KCND2: variants seen among roughly 807,000 people sequenced by gnomAD.
KCND2 encodes A-type voltage-gated potassium channel KCND2.
Under a neutral mutation model 54.4 loss-of-function variants are expected in KCND2, and 16 were observed. The ratio of observed to expected loss-of-function variants is 0.29; its 90% CI spans 0.20 to 0.45. The LOEUF is 0.45. KCND2 is among the 20% of genes least tolerant of loss of function. The probability of loss-of-function intolerance (pLI) is 1.00; values close to 1 mark genes in which losing one functional copy is unlikely to be tolerated. For missense variants in KCND2, 486 were observed against 824.2 expected (o/e 0.59, Z 5.02); for synonymous variants, 317 against 310.7 (o/e 1.02, Z -0.21).
At chr7:120,475,391 G>T (rs1802519274) in intron 1 of KCND2, among the ~76,000 whole-genome samples, 1 of 152,086 alleles carries the variant, frequency 6.6e-6, no homozygotes, top group African/African-American at 2.4e-5. Flanking sequence ...GATCTATATA[G>T]CAATCTTGCA....
intron 1 of KCND2, among the ~76,000 whole-genome samples, chr7:120,713,707 G>C (rs1465162777): frequency 1.3e-5 from 2 of 152,140 alleles, no homozygotes; most frequent in Non-Finnish European, 2.9e-5. Flanking sequence ...CTGCAATTTA[G>C]TTGTATCAGA....
intron 2 of KCND2, among the ~76,000 whole-genome samples, chr7:120,734,646 T>A (rs1188532852): frequency 1.3e-5 from 2 of 152,134 alleles, no homozygotes; most frequent in African/African-American, 4.8e-5. Context: ...TTAGAAATAA[T>A]CTTGGAAATC....
intron 1 of KCND2, among the ~76,000 whole-genome samples, chr7:120,329,088 C>T (rs896578312): frequency 6.7e-6 from 1 of 149,094 alleles, no homozygotes; most frequent in African/African-American, 2.5e-5. Context: ...AAAGATGAAA[C>T]TGAAAGATAA....
At chr7:120,318,275 A>G (rs556242667) in intron 1 of KCND2, among the ~76,000 whole-genome samples, 7 of 152,278 alleles carry the variant, frequency 4.6e-5, no homozygotes, top group Non-Finnish European at 1.0e-4. Context: ...TGTAAACTGT[A>G]CAAATTACAT....
intron 1 of KCND2, among the ~76,000 whole-genome samples, chr7:120,535,910 G>A (rs908699294): frequency 2.6e-5 from 4 of 152,066 alleles, no homozygotes; most frequent in Non-Finnish European, 5.9e-5. Flanking sequence ...TGTGTGTTGT[G>A]GGGGTAGGCA....
intron 1 of KCND2, among the ~76,000 whole-genome samples, chr7:120,514,654 T>C: frequency 6.6e-6 from 1 of 152,222 alleles, no homozygotes; most frequent in East Asian, 1.9e-4. Flanking sequence ...GTCCCCAACC[T>C]TTTTGGCACT....
chr7:120,717,562 G>A (rs1419413909), intron 1 of KCND2, among the ~76,000 whole-genome samples: 1 of 152,118 alleles, frequency 6.6e-6, no homozygotes, highest in Non-Finnish European at 1.5e-5. Context: ...GGCAGAATTA[G>A]TCTCTGTGGA....
intron 1 of KCND2, among the ~76,000 whole-genome samples, chr7:120,601,849 A>G (rs574185769): frequency 1.3e-5 from 2 of 152,310 alleles, no homozygotes; most frequent in Admixed American, 1.3e-4. Flanking sequence ...CTTAGAATAT[A>G]TAACCCTTTC....
intron 1 of KCND2, among the ~76,000 whole-genome samples, chr7:120,646,255 C>A (rs1793440869): frequency 6.6e-6 from 1 of 152,170 alleles, no homozygotes; most frequent in Non-Finnish European, 1.5e-5. Context: ...ATCTCTGCAA[C>A]AACATTGCTG....
chr7:120,590,760 G>T (rs949918033), intron 1 of KCND2, among the ~76,000 whole-genome samples: 3 of 151,986 alleles, frequency 2.0e-5, no homozygotes, highest in African/African-American at 7.2e-5. Flanking sequence ...AGCTGTACTG[G>T]CTTGTTCTTT....
At chr7:120,466,426 G>A (rs188863599) in intron 1 of KCND2, among the ~76,000 whole-genome samples, 8 of 152,166 alleles carry the variant, frequency 5.3e-5, no homozygotes, top group East Asian at 1.9e-4. Flanking sequence ...TTCTTTTATC[G>A]TTGGAGATCA....
chr7:120,428,608 A>C (rs1308748544), intron 1 of KCND2, among the ~76,000 whole-genome samples: 1 of 152,180 alleles, frequency 6.6e-6, no homozygotes, highest in Non-Finnish European at 1.5e-5. Context: ...CAGATTACAA[A>C]GCTTTAACTT....
intron 1 of KCND2, among the ~76,000 whole-genome samples, chr7:120,639,931 C>T (rs1394888117): frequency 6.6e-6 from 1 of 151,916 alleles, no homozygotes; most frequent in African/African-American, 2.4e-5. Flanking sequence ...AAACTTAATA[C>T]TGAAAAATAG....
chr7:120,287,380 T>TA (rs1218101048), intron 1 of KCND2, among the ~76,000 whole-genome samples: 2 of 152,154 alleles, frequency 1.3e-5, no homozygotes, highest in African/African-American at 4.8e-5. Flanking sequence ...GAATACTTAT[T>TA]AAAAATGAAT....
chr7:120,380,056 A>G (rs1800893985), intron 1 of KCND2, among the ~76,000 whole-genome samples: 1 of 152,120 alleles, frequency 6.6e-6, no homozygotes, highest in South Asian at 2.1e-4. Flanking sequence ...CAATCAATAA[A>G]TATATCCAAT....
chr7:120,553,744 T>G (rs745774092), intron 1 of KCND2, among the ~76,000 whole-genome samples: 3 of 152,210 alleles, frequency 2.0e-5, no homozygotes, highest in Non-Finnish European at 4.4e-5. Context: ...ATGATTCTCA[T>G]AATACTTATT....
intron 1 of KCND2, among the ~76,000 whole-genome samples, chr7:120,456,932 T>A (rs1802208665): frequency 6.6e-6 from 1 of 152,224 alleles, no homozygotes; most frequent in Admixed American, 6.5e-5. Flanking sequence ...GGTATTTCCT[T>A]ACATCCTCTG....
At chr7:120,670,047 A>G (rs1791973027) in intron 1 of KCND2, among the ~76,000 whole-genome samples, 1 of 152,042 alleles carries the variant, frequency 6.6e-6, no homozygotes, top group Non-Finnish European at 1.5e-5. Context: ...ACATATTGGG[A>G]ACAGTGTACA....
At chr7:120,388,844 T>G (rs1466363483) in intron 1 of KCND2, among the ~76,000 whole-genome samples, 3 of 150,958 alleles carry the variant, frequency 2.0e-5, no homozygotes, top group Non-Finnish European at 4.4e-5. Flanking sequence ...AACTGAAAAT[T>G]TTATAATATG....
Sources: gnomAD v4.1 joint callset for allele counts (sites outside exome capture counted in the v4.1 genomes callset) on GRCh38, gnomAD v4.1.1 for gene constraint, MANE v1.5 for transcripts, NCBI Gene and HGNC (gene_info 2026-07-23, HGNC 2026-07-21) for gene names.